The following MAP3K13 variants were observed in gnomAD, a reference collection of about 807,000 sequenced individuals.
MAP3K13 encodes mitogen-activated protein kinase kinase kinase 13.
A neutral mutation model predicts 104.0 loss-of-function variants in MAP3K13; 52 were observed. That is an observed-to-expected ratio of 0.50 (90% CI 0.40 to 0.63). The LOEUF is 0.63. Among genes scored for constraint, MAP3K13 ranks in the 20% least tolerant of loss-of-function variants. MAP3K13 has a pLI of 0.00. For missense variants in MAP3K13, 914 were observed against 1,218.5 expected (o/e 0.75, Z 3.72); for synonymous variants, 394 against 442.2 (o/e 0.89, Z 1.37).
intron 4 of MAP3K13, among the ~76,000 whole-genome samples, chr3:185,445,012 A>G (rs1040995192): frequency 1.4e-4 from 15 of 106,180 alleles, no homozygotes; most frequent in Non-Finnish European, 3.1e-4. Context: ...AAAAAACTAT[A>G]TATTTATTGT....
chr3:185,292,126 G>A (rs778315099), intron 2 of MAP3K13: 38 of 348,670 alleles, frequency 1.1e-4, no homozygotes, highest in Non-Finnish European at 1.5e-4. Flanking sequence ...CCAACATGGC[G>A]AAACCCCATC....
rs1304983380 is a variant in MAP3K13, at chr3:185,447,848, TCA to T, written c.912_913del (p.Ser305Ter). ...TCAGATTTTGGTACATCTAAGGAAC[TCA>T]GTGACAAAAGTACCAAGATGTCATT... is the stretch of plus-strand genomic sequence containing the variant. On this transcript the variant is annotated frameshift_variant, in exon 5 of 14. Transcript: ENST00000265026. LOFTEE classifies it high-confidence loss of function. The T allele has an allele frequency of 6.2e-7, 1 of 1,613,972 alleles. No homozygotes were observed.
chr3:185,465,993 G>A, intron 9 of MAP3K13, 130 bp downstream of exon 9: 2 of 733,654 alleles, frequency 2.7e-6, no homozygotes, highest in Non-Finnish European at 4.7e-6. Flanking sequence ...ATTCCTTCCG[G>A]GATGTGCTAT....
intron 1 of MAP3K13, among the ~76,000 whole-genome samples, chr3:185,382,611 G>A (rs1724780743): frequency 6.6e-6 from 1 of 152,102 alleles, no homozygotes. Context: ...AGGTGTTTGG[G>A]TCATGGGGGC....
chr3:185,458,909 A>G (rs1189409871), intron 7 of MAP3K13, among the ~76,000 whole-genome samples: 2 of 152,234 alleles, frequency 1.3e-5, no homozygotes, highest in Admixed American at 6.5e-5. Flanking sequence ...CCAAAGCTAT[A>G]GCTTCATTGC....
chr3:185,332,158 A>C (rs1034655996), intron 2 of MAP3K13, among the ~76,000 whole-genome samples: 4 of 152,182 alleles, frequency 2.6e-5, no homozygotes, highest in African/African-American at 9.7e-5. Flanking sequence ...CCAAAGTAGA[A>C]TTACTGGATC....
intron 2 of MAP3K13, among the ~76,000 whole-genome samples, chr3:185,435,669 G>A (rs938244842): frequency 3.3e-5 from 5 of 152,100 alleles, no homozygotes; most frequent in Admixed American, 6.5e-5. Context: ...GAAGGCCCAC[G>A]GCATAAACCA....
At chr3:185,371,392 T>C (rs1298509734) in intron 1 of MAP3K13, among the ~76,000 whole-genome samples, 1 of 152,248 alleles carries the variant, frequency 6.6e-6, no homozygotes, top group Non-Finnish European at 1.5e-5. Context: ...CAATCATGTG[T>C]TGCAGGGCAA....
intron 10 of MAP3K13, among the ~76,000 whole-genome samples, chr3:185,468,362 T>C (rs1175162848): frequency 6.6e-6 from 1 of 152,194 alleles, no homozygotes; most frequent in Non-Finnish European, 1.5e-5. Context: ...AAAATGTATT[T>C]TGGGATAGTT....
At chr3:185,311,832 G>GA (rs954848803) in intron 2 of MAP3K13, among the ~76,000 whole-genome samples, 8 of 151,434 alleles carry the variant, frequency 5.3e-5, no homozygotes, top group African/African-American at 7.3e-5. Context: ...TGTTTTAAAA[G>GA]AAAAAAAAGG....
chr3:185,461,430 A>G (rs542636666), intron 7 of MAP3K13, among the ~76,000 whole-genome samples: 2 of 152,368 alleles, frequency 1.3e-5, no homozygotes, highest in South Asian at 4.1e-4. Flanking sequence ...TAGATGAGAA[A>G]CAGCTAATTT....
At chr3:185,292,059 C>T (rs908170413) in intron 2 of MAP3K13, 13 of 929,066 alleles carry the variant, frequency 1.4e-5, no homozygotes, top group Non-Finnish European at 1.7e-5. Flanking sequence ...AATCCCAGCA[C>T]TTTGGGAGGC....
At chr3:185,455,309 A>ATATATAT (rs1716451148) in intron 7 of MAP3K13, among the ~76,000 whole-genome samples, 1 of 111,368 alleles carries the variant, frequency 9.0e-6, no homozygotes, top group Non-Finnish European at 1.8e-5. Flanking sequence ...GATATATATG[A>ATATATAT]GATATATATG....
rs1011961425 is a variant in MAP3K13, at chr3:185,417,937, A to T, written c.-85-10560A>T. The T allele has an allele frequency of 8.7e-6, 14 of 1,605,402 alleles. No individual in the cohort carries two copies. The Admixed American group carries it at 1.3e-4, about 15-fold the overall frequency. ...AAGATCTGTATTAATCAACTTGTGC[A>T]TGGGAAGATTGTAGTTACTCTTGAG... On this transcript the variant is annotated intron_variant, in intron 1 of 13. Coordinates refer to ENST00000265026, the MANE Select transcript of MAP3K13 (RefSeq NM_004721.5).
At chr3:185,403,722 C>T (rs982553569) in intron 1 of MAP3K13, among the ~76,000 whole-genome samples, 6 of 152,116 alleles carry the variant, frequency 3.9e-5, no homozygotes, top group Non-Finnish European at 7.4e-5. Context: ...GGTTTTATTA[C>T]CGAAAATGGC....
intron 1 of MAP3K13, among the ~76,000 whole-genome samples, chr3:185,426,724 T>G (rs921168107): frequency 2.0e-5 from 3 of 152,126 alleles, no homozygotes; most frequent in African/African-American, 7.2e-5. Context: ...CCTTCACAGT[T>G]TCCCCCACAC....
At chr3:185,293,241 C>G (rs947074182) in intron 2 of MAP3K13, among the ~76,000 whole-genome samples, 1 of 152,026 alleles carries the variant, frequency 6.6e-6, no homozygotes, top group South Asian at 2.1e-4. Flanking sequence ...CCTCAGCCTC[C>G]CGAGTAGCTG....
At chr3:185,408,571 TAA>T (rs71164507) in intron 1 of MAP3K13, among the ~76,000 whole-genome samples, 29 of 148,740 alleles carry the variant, frequency 1.9e-4, no homozygotes, top group South Asian at 2.1e-4. Context: ...GACTCCATCT[TAA>T]AAAAAAAAAA....
Position 185,450,458 on chromosome 3 carries a change from C to A in MAP3K13, c.1169+400C>A, listed in dbSNP as rs908614079. ...ATAATTACATTTTCCTTTTGCTCTTCAGTATATCAAAACTGTACTGCAGGG... is the reference window on the plus strand; with the variant it reads ...ATAATTACATTTTCCTTTTGCTCTTAAGTATATCAAAACTGTACTGCAGGG... On this transcript the variant is annotated intron_variant, in intron 6 of 13. Coordinates refer to ENST00000265026, the MANE Select transcript of MAP3K13 (RefSeq NM_004721.5). The surrounding 1 kb of genome is among the most constrained non-coding windows in gnomAD (Gnocchi z 4.2). Among the ~76,000 whole-genome samples, 2 of 152,118 alleles carry A rather than the reference C, an allele frequency of 1.3e-5. No individual in the cohort carries two copies. Among genetic ancestry groups the A allele is most frequent in the Non-Finnish European group, 2.9e-5 (2 of 68,026 alleles).
Sources: allele counts gnomAD v4.1 joint callset (sites outside exome capture counted in the v4.1 genomes callset), GRCh38; gene constraint gnomAD v4.1.1; non-coding constraint Gnocchi (gnomAD v3.1); transcripts MANE v1.5; gene names NCBI Gene and HGNC (gene_info 2026-07-23, HGNC 2026-07-21).